The following LRRC4C variants were observed in gnomAD, a reference collection of about 807,000 sequenced individuals.
LRRC4C encodes leucine rich repeat containing 4C, also known as leucine-rich repeat-containing protein 4C.
LRRC4C carries 5 observed loss-of-function variants against 33.6 expected under a neutral mutation model. The ratio of observed to expected loss-of-function variants is 0.15; its 90% CI spans 0.08 to 0.31. The LOEUF is 0.31. Ranked by LOEUF, LRRC4C falls within the 10% of genes least tolerant of loss-of-function variation. The probability of loss-of-function intolerance (pLI) is 1.00; values close to 1 mark genes in which losing one functional copy is unlikely to be tolerated. For missense variants in LRRC4C, 560 were observed against 796.7 expected, an observed-to-expected ratio of 0.70 and a Z score of 3.58; for synonymous variants, 329 against 302.0, an observed-to-expected ratio of 1.09 and a Z score of -0.93.
intron 5 of LRRC4C, among the ~76,000 whole-genome samples, chr11:40,163,142 G>A (rs902029785): frequency 3.9e-5 from 6 of 152,280 alleles, no homozygotes; most frequent in African/African-American, 7.2e-5. Context: ...TGCTTGGAAC[G>A]TTTCCCAGAA....
At chr11:40,741,402 G>T (rs2136907864) in intron 2 of LRRC4C, among the ~76,000 whole-genome samples, 1 of 152,020 alleles carries the variant, frequency 6.6e-6, no homozygotes, top group Middle Eastern at 3.4e-3. Context: ...CCACAGTATT[G>T]CCCTTAGAAG....
chr11:41,170,945 A>T (rs554136964), intron 1 of LRRC4C, among the ~76,000 whole-genome samples: 1 of 152,310 alleles, frequency 6.6e-6, no homozygotes, highest in Non-Finnish European at 1.5e-5. Flanking sequence ...TGGGTGAAGG[A>T]TATGAACAGA....
intron 1 of LRRC4C, among the ~76,000 whole-genome samples, chr11:41,010,525 G>A (rs1174881722): frequency 2.6e-5 from 4 of 152,134 alleles, no homozygotes; most frequent in Non-Finnish European, 5.9e-5. Context: ...AGAAAGTGGA[G>A]TTGACTTGGC....
At chr11:40,502,021 T>C (rs1235319315) in intron 3 of LRRC4C, among the ~76,000 whole-genome samples, 2 of 152,176 alleles carry the variant, frequency 1.3e-5, no homozygotes, top group African/African-American at 4.8e-5. Context: ...ATCATCTCTC[T>C]CAAGTTCAAA....
At chr11:41,159,905 T>C (rs748230724) in intron 1 of LRRC4C, among the ~76,000 whole-genome samples, 16 of 152,078 alleles carry the variant, frequency 1.1e-4, no homozygotes, top group Non-Finnish European at 1.9e-4. Context: ...TGGAATATTA[T>C]AGAGTCATTA....
At chr11:41,056,809 G>A (rs1004405009) in intron 1 of LRRC4C, among the ~76,000 whole-genome samples, 8 of 152,342 alleles carry the variant, frequency 5.3e-5, no homozygotes, top group African/African-American at 1.9e-4. Context: ...TATACTGCTG[G>A]TAATGGCAGT....
chr11:40,803,771 C>A (rs751138933), intron 2 of LRRC4C, among the ~76,000 whole-genome samples: 6 of 151,936 alleles, frequency 3.9e-5, no homozygotes, highest in Non-Finnish European at 8.8e-5. Flanking sequence ...CCACGCCCGG[C>A]CTAATTTTTA....
At chr11:41,276,884 G>T (rs889890644) in intron 1 of LRRC4C, among the ~76,000 whole-genome samples, 2 of 152,196 alleles carry the variant, frequency 1.3e-5, no homozygotes, top group African/African-American at 4.8e-5. Context: ...TCCCTTTAGA[G>T]ACTCCAGGAG....
At position 40,580,789 on chromosome 11, in the gene LRRC4C, G is replaced by A. The variant is rs528508417; in HGVS notation, c.-270+67353C>T. Reference sequence around the variant, plus strand: ...TAATTCAAAAATCTTAACTTGGATAGACAGGATTTTCATTTAATGAAGACT... The same window carrying A: ...TAATTCAAAAATCTTAACTTGGATAAACAGGATTTTCATTTAATGAAGACT... On this transcript the variant is annotated intron_variant, in intron 3 of 6. Coordinates refer to ENST00000528697, the MANE Select transcript of LRRC4C (RefSeq NM_001258419.2). Among the ~76,000 whole-genome samples, 5 of 152,312 alleles carry A rather than the reference G, an allele frequency of 3.3e-5. No individual in the cohort carries two copies. In the East Asian group the frequency reaches 7.7e-4, roughly 24 times the overall value.
intron 1 of LRRC4C, among the ~76,000 whole-genome samples, chr11:41,376,587 A>G (rs1952943604): frequency 6.6e-6 from 1 of 152,198 alleles, no homozygotes; most frequent in Admixed American, 6.5e-5. Flanking sequence ...ATAAATTACT[A>G]TAACTCTCTA....
chr11:40,606,554 C>G (rs769869931), intron 3 of LRRC4C, among the ~76,000 whole-genome samples: 19 of 151,298 alleles, frequency 1.3e-4, no homozygotes, highest in Non-Finnish European at 2.8e-4. Context: ...AAACAATTCC[C>G]AGAAAATGAC....
At chr11:40,424,043 TTGACTAGCAAG>T (rs1950623811) in intron 3 of LRRC4C, among the ~76,000 whole-genome samples, 1 of 152,152 alleles carries the variant, frequency 6.6e-6, no homozygotes, top group Non-Finnish European at 1.5e-5. Flanking sequence ...GGGGATAAAA[TTGACTAGCAAG>T]GTGATGTCAG....
At chr11:40,623,982 C>T (rs1045514813) in intron 3 of LRRC4C, among the ~76,000 whole-genome samples, 4 of 151,958 alleles carry the variant, frequency 2.6e-5, no homozygotes, top group Admixed American at 6.6e-5. Context: ...AAAAATCTGC[C>T]TGTGTGTGCA....
Position 40,189,673 on chromosome 11 carries a change from T to G in LRRC4C, c.-95-48820A>C. ...CCATAACATAAAAAGAGATGATGAA[T>G]GTAGTACTTAAGTTTTATTTTACTT... is the stretch of plus-strand genomic sequence containing the variant. On this transcript the variant is annotated intron_variant, in intron 5 of 6. Coordinates refer to ENST00000528697, the MANE Select transcript of LRRC4C (RefSeq NM_001258419.2). Among the ~76,000 whole-genome samples the G allele has an allele frequency of 1.3e-5, 2 of 152,314 alleles. 1 individual carries two copies. Among genetic ancestry groups the G allele is most frequent in the Middle Eastern group, 6.8e-3 (2 of 294 alleles).
intron 1 of LRRC4C, among the ~76,000 whole-genome samples, chr11:41,229,671 A>G (rs1380191988): frequency 6.6e-6 from 1 of 152,094 alleles, no homozygotes; most frequent in Non-Finnish European, 1.5e-5. Context: ...GAATTTTTCT[A>G]GTTCTAATAT....
intron 3 of LRRC4C, among the ~76,000 whole-genome samples, chr11:40,470,719 C>T (rs551220133): frequency 2.9e-4 from 44 of 152,136 alleles, no homozygotes; most frequent in African/African-American, 9.4e-4. Context: ...AAATACAGCA[C>T]GAGACCTTTG....
In LRRC4C at chr11:40,495,813, GTTTTTTTTTTTTT is replaced by G. The variant is rs77683172; in HGVS notation, c.-270+152316_-270+152328del. On this transcript the variant is annotated intron_variant, in intron 3 of 6. Transcript: ENST00000528697. The stretch of plus-strand genomic sequence containing the variant: ...TTTTATTGAAGTTCTCAATAAACAT[GTTTTTTTTTTTTT>G]TTTTTTTTTTTTTTTTTTTTTTTGA... Among the ~76,000 whole-genome samples, 61 of 67,006 alleles carry G rather than the reference GTTTTTTTTTTTTT, an allele frequency of 9.1e-4. 1 individual carries two copies. Among genetic ancestry groups the G allele is most frequent in the Non-Finnish European group, 8.9e-4 (32 of 36,094 alleles). 44.0% of individuals were successfully genotyped at this position (67,006 alleles called of 152,430 possible).
At chr11:41,424,457 G>T (rs1954971490) in intron 1 of LRRC4C, among the ~76,000 whole-genome samples, 1 of 151,920 alleles carries the variant, frequency 6.6e-6, no homozygotes, top group South Asian at 2.1e-4. Context: ...AGGGCATTAA[G>T]GAATGAAAAA....
intron 5 of LRRC4C, among the ~76,000 whole-genome samples, chr11:40,220,658 C>A (rs944762778): frequency 6.6e-6 from 1 of 151,960 alleles, no homozygotes; most frequent in African/African-American, 2.4e-5. Flanking sequence ...AGAGTTAGAG[C>A]TAATAAATTC....
Sources: gnomAD v4.1 joint callset for allele counts (sites outside exome capture counted in the v4.1 genomes callset) on GRCh38, gnomAD v4.1.1 for gene constraint, MANE v1.5 for transcripts, NCBI Gene and HGNC (gene_info 2026-07-23, HGNC 2026-07-21) for gene names.